SPART: variants seen among roughly 807,000 people sequenced by gnomAD.
SPART encodes the protein spastic paraplegia 20 (Troyer syndrome).
In SPART, 35 loss-of-function variants were observed where a neutral mutation model predicts 58.7. That is an observed-to-expected ratio of 0.60 (90% CI 0.46 to 0.79). The LOEUF (loss-of-function observed/expected upper bound fraction) is 0.79. Ranked by LOEUF, SPART falls within the 30% of genes least tolerant of loss-of-function variation. SPART has a pLI of 0.00. For missense variants in SPART, 730 were observed against 786.1 expected, an observed-to-expected ratio of 0.93 and a Z score of 0.85; for synonymous variants, 284 against 280.7, an observed-to-expected ratio of 1.01 and a Z score of -0.12.
In SPART at chr13:36,304,557, A is replaced by T; in HGVS notation, c.1809T>A (p.Asn603Lys). 1 of 1,614,168 alleles carries T rather than the reference A, an allele frequency of 6.2e-7. No individual in the cohort carries two copies. The highest frequency in any genetic ancestry group is 8.5e-7 in the Non-Finnish European group (1 of 1,180,008). ...SAVNVGVTAY[N>K]INNIGIKAMV... ...TTGCTTTGATACCAATGTTGTTAAT[A>T]TTGTAGGCAGTTACGCCAACATTGA... Residue 603 changes from asparagine to lysine, a missense_variant, in exon 9 of 9, where the codon AAT (asparagine) becomes AAA (lysine). Coordinates refer to ENST00000438666, the MANE Select transcript of SPART (RefSeq NM_015087.5).
chr13:36,321,561 G>T (rs1271586166), intron 5 of SPART, among the ~76,000 whole-genome samples: 3 of 151,572 alleles, frequency 2.0e-5, no homozygotes, highest in African/African-American at 4.8e-5. Context: ...CTTACCACAA[G>T]ACCTCCCTTC....
intron 8 of SPART, among the ~76,000 whole-genome samples, chr13:36,307,930 C>A (rs1880680799): frequency 6.6e-6 from 1 of 151,932 alleles, no homozygotes; most frequent in African/African-American, 2.4e-5. Flanking sequence ...TGGTTTTCTC[C>A]CAAGCATAAA....
rs560213662 is a variant in SPART, at chr13:36,303,721, C to T, written c.*644G>A. On this transcript the variant is annotated 3_prime_UTR_variant, in exon 9 of 9. Transcript: ENST00000438666. ...AACAATACAGTCTCAATACAAAAGACGTAATAATCTATTTTTATTTATTTT... is the reference window on the plus strand; with the variant it reads ...AACAATACAGTCTCAATACAAAAGATGTAATAATCTATTTTTATTTATTTT... 416 of 153,024 alleles carry T rather than the reference C, an allele frequency of 2.7e-3. No individual in the cohort carries two copies. Among genetic ancestry groups the T allele is most frequent in the Non-Finnish European group, 5.0e-3 (343 of 68,366 alleles). 9.5% of individuals were successfully genotyped at this position (153,024 alleles called of 1,614,324 possible).
intron 1 of SPART, among the ~76,000 whole-genome samples, chr13:36,356,796 T>C (rs1264528563): frequency 6.6e-6 from 1 of 152,216 alleles, no homozygotes; most frequent in Non-Finnish European, 1.5e-5. Flanking sequence ...TTCAAATATC[T>C]TACAGAGTTT....
chr13:36,357,544 T>C (rs1000763533), intron 1 of SPART, among the ~76,000 whole-genome samples: 6 of 152,224 alleles, frequency 3.9e-5, no homozygotes, highest in Admixed American at 6.5e-5. Flanking sequence ...AACTTCTGTT[T>C]AAACACTGCT....
In SPART at chr13:36,305,510, T is replaced by A. The variant is rs544578337; in HGVS notation, c.1734-878A>T. On this transcript the variant is annotated intron_variant, in intron 8 of 8. Transcript: ENST00000438666. ...AAACATTGAGAATAGTACCTGATATTCAATGAATATTCACTGAATGAATGA... is the reference window on the plus strand; with the variant it reads ...AAACATTGAGAATAGTACCTGATATACAATGAATATTCACTGAATGAATGA... Among the ~76,000 whole-genome samples, 4 of 152,310 alleles carry A rather than the reference T, an allele frequency of 2.6e-5. No individual in the cohort carries two copies. The East Asian group carries it at 5.8e-4, about 22-fold the overall frequency.
intron 8 of SPART, among the ~76,000 whole-genome samples, chr13:36,310,558 C>G (rs1880985600): frequency 6.6e-6 from 1 of 152,176 alleles, no homozygotes; most frequent in African/African-American, 2.4e-5. Context: ...ATCCCACCAC[C>G]TTTGGCCTAG....
intron 1 of SPART, among the ~76,000 whole-genome samples, chr13:36,344,953 C>T (rs1017911656): frequency 6.6e-6 from 1 of 152,150 alleles, no homozygotes; most frequent in African/African-American, 2.4e-5. Context: ...ACATGTATGT[C>T]TGTGTATGTC....
At chr13:36,314,057 G>A (rs1881412666) in intron 6 of SPART, 170 bp downstream of exon 6, 1 of 658,504 alleles carries the variant, frequency 1.5e-6, no homozygotes, top group Non-Finnish European at 2.6e-6. Flanking sequence ...ATAGGACGAT[G>A]TGATGTTGCT....
upstream of SPART, among the ~76,000 whole-genome samples, chr13:36,348,533 A>C (rs1885284113): frequency 6.6e-6 from 1 of 152,222 alleles, no homozygotes. Context: ...ACAGGTCAAC[A>C]TACAGAAATC....
chr13:36,308,680 C>A lies in SPART; in HGVS notation c.1733+3465G>T, dbSNP rs1416595416. Among the ~76,000 whole-genome samples, 3 of 145,818 alleles carry A rather than the reference C, an allele frequency of 2.1e-5. No homozygotes were observed. The East Asian group carries it at 6.0e-4, about 29-fold the overall frequency. ...CATTAGAGTAGGCCATAAAACCCAA[C>A]AAAGCACTTCCTATTTTCTAATATG... On this transcript the variant is annotated intron_variant, in intron 8 of 8. Coordinates refer to ENST00000438666, the MANE Select transcript of SPART (RefSeq NM_015087.5).
intron 5 of SPART, 55 bp from the exon 6 acceptor site, chr13:36,314,476 A>G: frequency 6.6e-7 from 1 of 1,506,496 alleles, no homozygotes; most frequent in Non-Finnish European, 9.2e-7. Flanking sequence ...ATGCTTTTGA[A>G]CACTTTAATA....
chr13:36,303,062 G>C lies in SPART; in HGVS notation c.*1303C>G, dbSNP rs988440035. 4 of 152,114 alleles carry C rather than the reference G, an allele frequency of 2.6e-5. No individual in the cohort carries two copies. Among genetic ancestry groups the C allele is most frequent in the African/African-American group, 9.7e-5 (4 of 41,408 alleles). The allele number at this position is 152,114 out of a possible 1,614,324, so 9.4% of individuals were successfully genotyped here. A position where few individuals can be genotyped will look rare whatever the true frequency, so the allele number is the denominator to read the frequency against. On this transcript the variant is annotated 3_prime_UTR_variant, in exon 9 of 9. Transcript: ENST00000438666. ...ACTTTTATTTCCATTTTAACAACTA[G>C]TACATTATCCTTGGCCTTAGGAAAA...
chr13:36,342,565 T>C (rs9547367), intron 1 of SPART, among the ~76,000 whole-genome samples: 37,937 of 152,104 alleles, frequency 0.25, 5,250 homozygotes, highest in East Asian at 0.51. Context: ...AATGCTTTGT[T>C]AGCAGCATCC....
At chr13:36,333,011 CTTTT>C (rs951064943) in intron 2 of SPART, among the ~76,000 whole-genome samples, 1 of 147,728 alleles carries the variant, frequency 6.8e-6, no homozygotes, top group Admixed American at 6.8e-5. Flanking sequence ...AAAGGTTTTT[CTTTT>C]TTTTTTCTTT....
upstream of SPART, among the ~76,000 whole-genome samples, chr13:36,350,966 C>T (rs1055827540): frequency 1.3e-5 from 2 of 152,100 alleles, no homozygotes; most frequent in African/African-American, 4.8e-5. Context: ...ATACATACCC[C>T]GGTCAAATAT....
intron 1 of SPART, among the ~76,000 whole-genome samples, chr13:36,353,651 G>T (rs143403280): frequency 1.2e-4 from 18 of 152,080 alleles, no homozygotes; most frequent in Non-Finnish European, 8.8e-5. Flanking sequence ...TTCTTTGATC[G>T]GGGATTTTAA....
At chr13:36,330,041 AG>A (rs1422577332) in intron 3 of SPART, among the ~76,000 whole-genome samples, 1 of 152,248 alleles carries the variant, frequency 6.6e-6, no homozygotes, top group Non-Finnish European at 1.5e-5. Flanking sequence ...GGGACAGTAA[AG>A]CAAGCTAAAA....
chr13:36,323,915 A>G (rs1480541453), intron 5 of SPART, among the ~76,000 whole-genome samples: 1 of 152,232 alleles, frequency 6.6e-6, no homozygotes, highest in African/African-American at 2.4e-5. Flanking sequence ...TGTTACCAGA[A>G]CACAGTTTTT....
Sources: gnomAD v4.1 joint callset for allele counts (sites outside exome capture counted in the v4.1 genomes callset) on GRCh38, gnomAD v4.1.1 for gene constraint, MANE v1.5 for transcripts, NCBI Gene and HGNC (gene_info 2026-07-23, HGNC 2026-07-21) for gene names.